The following ANGPT1 variants were observed in gnomAD, a reference collection of about 807,000 sequenced individuals.
ANGPT1 encodes the protein angiopoietin 1, also known as angiopoietin-1.
In ANGPT1, 17 loss-of-function variants were observed where a neutral mutation model predicts 62.2. That is an observed-to-expected ratio of 0.27 (90% CI 0.19 to 0.41). The LOEUF is 0.41. Ranked by LOEUF, ANGPT1 falls within the 10% of genes least tolerant of loss-of-function variation. The probability of loss-of-function intolerance (pLI) is 1.00; values close to 1 mark genes in which losing one functional copy is unlikely to be tolerated. For synonymous variants in ANGPT1, 199 were observed against 198.9 expected (o/e 1.00, Z 0.00); for missense variants, 478 against 594.9 (o/e 0.80, Z 2.04).
At chr8:107,466,130 G>T (rs933884309) in intron 1 of ANGPT1, among the ~76,000 whole-genome samples, 1 of 152,092 alleles carries the variant, frequency 6.6e-6, no homozygotes, top group African/African-American at 2.4e-5. Context: ...TGAAATAAAA[G>T]ACTTAGAAAT....
chr8:107,350,517 C>CT (rs760073552), intron 1 of ANGPT1, among the ~76,000 whole-genome samples: 1 of 151,990 alleles, frequency 6.6e-6, no homozygotes, highest in Admixed American at 6.6e-5. Flanking sequence ...TACTATTGTG[C>CT]TTTTTTTAAT....
At chr8:107,454,731 C>T (rs1221873274) in intron 1 of ANGPT1, among the ~76,000 whole-genome samples, 2 of 152,028 alleles carry the variant, frequency 1.3e-5, no homozygotes, top group East Asian at 1.9e-4. Context: ...ATTTCACCTG[C>T]CTAACTTTGT....
chr8:107,276,740 G>C (rs1813875878), intron 7 of ANGPT1, among the ~76,000 whole-genome samples: 1 of 152,092 alleles, frequency 6.6e-6, no homozygotes, highest in Admixed American at 6.6e-5. Flanking sequence ...AGGTCATTCA[G>C]AAAAGTAACT....
intron 8 of ANGPT1, among the ~76,000 whole-genome samples, chr8:107,255,913 G>C (rs1228741365): frequency 6.6e-6 from 1 of 152,182 alleles, no homozygotes; most frequent in Non-Finnish European, 1.5e-5. Context: ...AAGGTCATCA[G>C]TGCCAACATA....
chr8:107,376,532 G>A (rs1371209592), intron 1 of ANGPT1, among the ~76,000 whole-genome samples: 2 of 152,148 alleles, frequency 1.3e-5, no homozygotes, highest in Non-Finnish European at 2.9e-5. Flanking sequence ...ACACTTGTTT[G>A]TTTGTTTTTG....
chr8:107,497,439 T>C lies in ANGPT1; in HGVS notation c.120A>G (p.Gln40=). Residue 40 remains glutamine, a synonymous_variant, in exon 1 of 9, where the codon CAA becomes CAG. Transcript: ENST00000517746. ...CTGGAAGAATGAAAGTGTAGGCACA[T>C]TGCCCATGTTGAATCCGGTTATATC... The part of the protein sequence containing the change: ...GRRYNRIQHG[Q]CAYTFILPEH... 2.5e-6 allele frequency: 4 copies of C among 1,614,136 alleles called. No individual in the cohort carries two copies. Among genetic ancestry groups the C allele is most frequent in the Non-Finnish European group, 3.4e-6 (4 of 1,180,022 alleles).
intron 1 of ANGPT1, among the ~76,000 whole-genome samples, chr8:107,394,425 C>A (rs1816895163): frequency 6.6e-6 from 1 of 152,090 alleles, no homozygotes; most frequent in African/African-American, 2.4e-5. Context: ...AGACAGAAGG[C>A]CAGGAGGTTC....
intron 3 of ANGPT1, among the ~76,000 whole-genome samples, chr8:107,324,367 T>C (rs528048740): frequency 1.3e-5 from 2 of 151,790 alleles, no homozygotes; most frequent in Admixed American, 6.6e-5. Flanking sequence ...GGTGTCCTTA[T>C]AAAAAGGGAA....
intron 6 of ANGPT1, among the ~76,000 whole-genome samples, chr8:107,291,447 C>T (rs951146068): frequency 1.1e-4 from 17 of 152,058 alleles, no homozygotes; most frequent in Admixed American, 3.9e-4. Flanking sequence ...GAGTCTTTCT[C>T]GGTCGCTAGG....
rs1429761519 is a variant in ANGPT1, at chr8:107,274,261, C to T, written c.1206-9910G>A. Among the ~76,000 whole-genome samples, 11 of 152,224 alleles carry T rather than the reference C, an allele frequency of 7.2e-5. 1 individual carries two copies. Among genetic ancestry groups the T allele is most frequent in the Admixed American group, 5.9e-4 (9 of 15,286 alleles). On this transcript the variant is annotated intron_variant, in intron 7 of 8. Coordinates refer to ENST00000517746, the MANE Select transcript of ANGPT1 (RefSeq NM_001146.5). ...CTATATGCACATTCAAGAAATAAAA[C>T]AACTGGCATAGTGCCAGGAAAATAA...
chr8:107,379,643 G>A (rs553284493), intron 1 of ANGPT1, among the ~76,000 whole-genome samples: 4 of 151,816 alleles, frequency 2.6e-5, no homozygotes, highest in African/African-American at 7.3e-5. Flanking sequence ...CCACACAAAC[G>A]GGATCATGGC....
intron 1 of ANGPT1, among the ~76,000 whole-genome samples, chr8:107,448,327 A>T (rs183730532): frequency 6.6e-6 from 1 of 152,332 alleles, no homozygotes; most frequent in Admixed American, 6.5e-5. Context: ...TTTTTTATGA[A>T]ACTGTCCCTG....
intron 1 of ANGPT1, among the ~76,000 whole-genome samples, chr8:107,464,880 G>A (rs1348333882): frequency 6.6e-6 from 1 of 152,054 alleles, no homozygotes; most frequent in Non-Finnish European, 1.5e-5. Flanking sequence ...GTGGAGGACT[G>A]TGCAGTGCAC....
intron 4 of ANGPT1, among the ~76,000 whole-genome samples, chr8:107,307,049 G>A (rs1049456561): frequency 2.0e-5 from 3 of 152,052 alleles, no homozygotes; most frequent in Non-Finnish European, 2.9e-5. Context: ...TTTGAAGCAC[G>A]AGTTAAAAGG....
At chr8:107,352,780 A>G (rs1815960458) in intron 1 of ANGPT1, among the ~76,000 whole-genome samples, 2 of 152,226 alleles carry the variant, frequency 1.3e-5, no homozygotes, top group African/African-American at 2.4e-5. Context: ...ATGTTGGTGC[A>G]TATGGCATTA....
intron 1 of ANGPT1, among the ~76,000 whole-genome samples, chr8:107,468,810 G>A (rs931869227): frequency 3.3e-5 from 5 of 152,002 alleles, no homozygotes; most frequent in African/African-American, 1.2e-4. Flanking sequence ...GTTCACAAGA[G>A]AAAGTTACCT....
Position 107,284,773 on chromosome 8 carries a change from T to G in ANGPT1, c.1114A>C (p.Met372Leu). 3 of 1,612,282 alleles carry G rather than the reference T, an allele frequency of 1.9e-6. No homozygotes were observed. Among genetic ancestry groups the G allele is most frequent in the Non-Finnish European group, 2.5e-6 (3 of 1,178,826 alleles). Reference sequence around the variant, plus strand: ...CAGTCCATTAACTCAATTCTTAGCATGTACTGCCTCTGACTGGTAATGGCA... The same window carrying G: ...CAGTCCATTAACTCAATTCTTAGCAGGTACTGCCTCTGACTGGTAATGGCA... ...IFAITSQRQY[M>L]LRIELMDWEG... The change falls in exon 7 of 9, where the codon ATG becomes CTG. Residue 372 changes from methionine to leucine, a missense_variant. Physicochemically the swap from Met to Leu is conservative, Grantham distance 15. Around this residue, in one of 4 missense-constraint regions of ANGPT1, gnomAD observed 81 missense variants for 117.1 expected, o/e 0.69. Coordinates refer to ENST00000517746, the MANE Select transcript of ANGPT1 (RefSeq NM_001146.5).
In ANGPT1 at chr8:107,303,249, T is replaced by C. The variant is rs1814636046; in HGVS notation, c.927A>G (p.Glu309=). The change falls in exon 5 of 9, where the codon GAA becomes GAG. Residue 309 remains glutamate (E), a synonymous_variant. Coordinates refer to ENST00000517746, the MANE Select transcript of ANGPT1 (RefSeq NM_001146.5). ...ACACTTCTGGTTTTACCTTTTTGGG[T>C]TCTGGCATATTATTAATATAAATAG... is the stretch of plus-strand genomic sequence containing the variant. The part of the protein sequence containing the change: ...IYTIYINNMP[E]PKKVFCNMDV... 4 of 1,609,978 alleles carry C rather than the reference T, an allele frequency of 2.5e-6. No homozygotes were observed. In the South Asian group the frequency reaches 4.4e-5, roughly 18 times the overall value.
chr8:107,493,229 G>C (rs184301850), intron 1 of ANGPT1, among the ~76,000 whole-genome samples: 3 of 150,544 alleles, frequency 2.0e-5, no homozygotes, highest in Non-Finnish European at 3.0e-5. Context: ...TCACAGTCTA[G>C]GTGGGAAAAC....
Sources: gnomAD v4.1 joint callset for allele counts (sites outside exome capture counted in the v4.1 genomes callset) on GRCh38, gnomAD v4.1.1 for gene constraint, gnomAD v4.1.1 regional missense constraint, MANE v1.5 for transcripts, NCBI Gene and HGNC (gene_info 2026-07-23, HGNC 2026-07-21) for gene names.